The following ACOX3 variants were observed in gnomAD, a reference collection of about 807,000 sequenced individuals.
ACOX3 encodes the protein peroxisomal acyl-coenzyme A oxidase 3.
A neutral mutation model predicts 81.5 loss-of-function variants in ACOX3; 73 were observed. That is an observed-to-expected ratio of 0.90 (90% CI 0.74 to 1.09). ACOX3 has a LOEUF of 1.09. ACOX3 is among the 50% of genes least tolerant of loss of function. ACOX3 has a pLI of 0.00. For synonymous variants in ACOX3, 387 were observed against 375.1 expected (o/e 1.03, Z -0.37); for missense variants, 947 against 928.0 (o/e 1.02, Z -0.27).
At chr4:8,361,166 G>A in the ACOX3 span, among the ~76,000 whole-genome samples, 6 of 151,994 alleles carry the variant, frequency 3.9e-5, no homozygotes, top group East Asian at 1.9e-4. Flanking sequence ...GCTCACGCCC[G>A]TAATCCCAGC....
chr4:8,401,775 T>C (rs1022983866), intron 7 of ACOX3, among the ~76,000 whole-genome samples: 9 of 152,162 alleles, frequency 5.9e-5, no homozygotes, highest in African/African-American at 2.2e-4. Flanking sequence ...CATGAGGTGG[T>C]CCTGCCTGCC....
intron 13 of ACOX3, among the ~76,000 whole-genome samples, chr4:8,387,889 C>G (rs1718503193): frequency 6.6e-6 from 1 of 152,216 alleles, no homozygotes; most frequent in Non-Finnish European, 1.5e-5. Context: ...TGTGGGGGCG[C>G]AGGGCAGACC....
At chr4:8,436,758 C>T (rs1277890922) in intron 1 of ACOX3, among the ~76,000 whole-genome samples, 1 of 151,038 alleles carries the variant, frequency 6.6e-6, no homozygotes, top group African/African-American at 2.4e-5. Context: ...CCGAGGTGGG[C>T]AGATCAAGAG....
chr4:8,406,580 T>A lies in ACOX3; in HGVS notation c.688-537A>T, dbSNP rs778816540. Among the ~76,000 whole-genome samples, 25 of 151,630 alleles carry A rather than the reference T, an allele frequency of 1.6e-4. No homozygotes were observed. The highest frequency in any genetic ancestry group is 2.0e-4 in the Admixed American group (3 of 15,230). On this transcript the variant is annotated intron_variant, in intron 6 of 17. Transcript: ENST00000356406. The surrounding 1 kb of genome is among the most constrained non-coding windows in gnomAD (Gnocchi z 5.6). ...GAAGGCCAGGCTGCACTGATACTTATTGGATACAAGACAAAGGCAGGATAA... is the reference window on the plus strand; with the variant it reads ...GAAGGCCAGGCTGCACTGATACTTAATGGATACAAGACAAAGGCAGGATAA...
intron 11 of ACOX3, among the ~76,000 whole-genome samples, chr4:8,390,321 G>A (rs905666562): frequency 1.5e-4 from 23 of 151,576 alleles, no homozygotes; most frequent in Non-Finnish European, 2.6e-4. Flanking sequence ...TCCAGCCTCC[G>A]GGACAGGGCA....
intron 15 of ACOX3, chr4:8,374,003 T>G (rs1578857446): frequency 1.3e-4 from 24 of 184,806 alleles, no homozygotes; most frequent in South Asian, 3.4e-4. Context: ...CAGGGGTGCA[T>G]GGCAGGGGGC....
chr4:8,398,636 C>T (rs1165881684), intron 8 of ACOX3, among the ~76,000 whole-genome samples: 3 of 152,130 alleles, frequency 2.0e-5, no homozygotes, highest in African/African-American at 4.8e-5. Context: ...CTACCATGCC[C>T]GGCTAATTTT....
At chr4:8,383,083 C>T (rs1717898637) in intron 13 of ACOX3, among the ~76,000 whole-genome samples, 1 of 152,218 alleles carries the variant, frequency 6.6e-6, no homozygotes, top group African/African-American at 2.4e-5. Context: ...TGTTCACCCT[C>T]ACGGCATAAC....
chr4:8,386,599 C>G lies in ACOX3; in HGVS notation c.1537+2574G>C, dbSNP rs1037141173. ...AAAAAAAAAGAAAGTGACTTGCAAACATCAGAAATAGGTCATCAAACGTGT... is the reference window on the plus strand; with the variant it reads ...AAAAAAAAAGAAAGTGACTTGCAAAGATCAGAAATAGGTCATCAAACGTGT... On this transcript the variant is annotated intron_variant, in intron 13 of 17. Coordinates refer to ENST00000356406, the MANE Select transcript of ACOX3 (RefSeq NM_003501.3). This position sits in a 1 kb window ranked among gnomAD's most constrained non-coding sequence, Gnocchi z 5.2. Among the ~76,000 whole-genome samples, 6 of 151,236 alleles carry G rather than the reference C, an allele frequency of 4.0e-5. No individual in the cohort carries two copies. In the East Asian group the frequency reaches 1.2e-3, roughly 29 times the overall value.
the ACOX3 span, chr4:8,356,282 TC>T: frequency 2.8e-6 from 1 of 353,002 alleles, no homozygotes. Flanking sequence ...TGCTCCCTCA[TC>T]CCCACTTGTG....
rs1717847418 is a variant in ACOX3, at chr4:8,382,821, T to C, written c.1538-1214A>G. Among the ~76,000 whole-genome samples the C allele has an allele frequency of 6.6e-6, 1 of 151,026 alleles. No homozygotes were observed. The highest frequency in any genetic ancestry group is 6.6e-5 in the Admixed American group (1 of 15,208). ...TCCTGGCTAACACGGTGAAACCCCG[T>C]CTCTACTAAAAATACAAAAAATTAG... On this transcript the variant is annotated intron_variant, in intron 13 of 17. Transcript: ENST00000356406. The surrounding 1 kb of genome is among the most constrained non-coding windows in gnomAD (Gnocchi z 4.1).
At chr4:8,403,723 T>C (rs1240711963) in intron 7 of ACOX3, among the ~76,000 whole-genome samples, 1 of 152,246 alleles carries the variant, frequency 6.6e-6, no homozygotes, top group Non-Finnish European at 1.5e-5. Context: ...CCTTTGAATA[T>C]TATCCCAGTA....
chr4:8,365,752 G>A (rs369109541), downstream of ACOX3, among the ~76,000 whole-genome samples: 1 of 94,376 alleles, frequency 1.1e-5, no homozygotes, highest in Non-Finnish European at 2.3e-5. Flanking sequence ...GGGATGTGGT[G>A]GGGGGGTGGT....
In ACOX3 at chr4:8,437,301, C is replaced by T. The variant is rs1023651063; in HGVS notation, c.-15+3347G>A. Reference sequence around the variant, plus strand: ...CAGGAAAGAGCAAAAGCAACAAGTGCGGCAGCTAGGCACGCCAAGGGTTAA... The same window carrying T: ...CAGGAAAGAGCAAAAGCAACAAGTGTGGCAGCTAGGCACGCCAAGGGTTAA... On this transcript the variant is annotated intron_variant, in intron 1 of 17. Coordinates refer to ENST00000356406, the MANE Select transcript of ACOX3 (RefSeq NM_003501.3). This position sits in a 1 kb window ranked among gnomAD's most constrained non-coding sequence, Gnocchi z 5.2. Among the ~76,000 whole-genome samples, 2 of 151,750 alleles carry T rather than the reference C, an allele frequency of 1.3e-5. No homozygotes were observed. The highest frequency in any genetic ancestry group is 2.1e-4 in the South Asian group (1 of 4,820).
chr4:8,390,239 G>A (rs1025126367), intron 11 of ACOX3, among the ~76,000 whole-genome samples: 1 of 152,012 alleles, frequency 6.6e-6, no homozygotes, highest in African/African-American at 2.4e-5. Flanking sequence ...CTACCCAGGA[G>A]GCTGAGGTGG....
intron 1 of ACOX3, among the ~76,000 whole-genome samples, chr4:8,422,723 C>T (rs1338343223): frequency 5.9e-5 from 9 of 152,200 alleles, no homozygotes; most frequent in African/African-American, 1.2e-4. Context: ...GAGATTGTAT[C>T]GCAGCAGGGG....
At chr4:8,438,177 A>C (rs552525191) in intron 1 of ACOX3, among the ~76,000 whole-genome samples, 1 of 152,230 alleles carries the variant, frequency 6.6e-6, no homozygotes, top group Non-Finnish European at 1.5e-5. Context: ...AGGACAGAAA[A>C]AGTACAAGAA....
At chr4:8,398,363 C>T (rs956376780) in intron 8 of ACOX3, among the ~76,000 whole-genome samples, 2 of 152,134 alleles carry the variant, frequency 1.3e-5, no homozygotes, top group African/African-American at 2.4e-5. Context: ...TGTCTGGGTA[C>T]GTGCATAGGT....
chr4:8,434,709 T>C (rs1047213982), intron 1 of ACOX3, among the ~76,000 whole-genome samples: 2 of 152,254 alleles, frequency 1.3e-5, no homozygotes, highest in African/African-American at 4.8e-5. Flanking sequence ...TGATCACCCA[T>C]GGCGTGCCTG....
Sources: allele counts gnomAD v4.1 joint callset (sites outside exome capture counted in the v4.1 genomes callset), GRCh38; gene constraint gnomAD v4.1.1; non-coding constraint Gnocchi (gnomAD v3.1); transcripts MANE v1.5; gene names NCBI Gene and HGNC (gene_info 2026-07-23, HGNC 2026-07-21).